Variants in TRRAP observed in about 807,000 individuals in gnomAD.
TRRAP encodes transformation/transcription domain associated protein.
TRRAP carries 41 observed loss-of-function variants against 438.8 expected under a neutral mutation model. The observed-to-expected ratio is 0.09, with a 90% confidence interval of 0.07 to 0.12. The LOEUF (loss-of-function observed/expected upper bound fraction) is 0.12. TRRAP is among the 10% of genes least tolerant of loss of function. The pLI, the probability that TRRAP is intolerant of heterozygous loss-of-function variation, is 1.00. For missense variants in TRRAP, 3,122 were observed against 5,055.1 expected, an observed-to-expected ratio of 0.62 and a Z score of 11.60; for synonymous variants, 1,994 against 1,962.9, an observed-to-expected ratio of 1.02 and a Z score of -0.42.
chr7:98,910,979 C>T, intron 16 of TRRAP, 98 bp from the exon 17 acceptor site: 1 of 992,476 alleles, frequency 1.0e-6, no homozygotes, highest in South Asian at 2.3e-5. Context: ...AATTTAAGTG[C>T]TCTATTTTAA....
chr7:98,915,955 G>C, intron 19 of TRRAP, 67 bp downstream of exon 19: 1 of 1,585,896 alleles, frequency 6.3e-7, no homozygotes, highest in Non-Finnish European at 8.6e-7. Context: ...TAGCCATCCT[G>C]ATTGCTGGGT....
At chr7:98,886,492 A>G (rs1392421214) in intron 3 of TRRAP, among the ~76,000 whole-genome samples, 1 of 152,188 alleles carries the variant, frequency 6.6e-6, no homozygotes, top group Non-Finnish European at 1.5e-5. Context: ...ATAGATATCT[A>G]GAGAGATATG....
At position 98,948,445 on chromosome 7, in the gene TRRAP, G is replaced by A. The variant is rs183830253; in HGVS notation, c.4668+105G>A. 734 of 1,608,894 alleles carry A rather than the reference G, an allele frequency of 4.6e-4. 1 individual carries two copies. The highest frequency in any genetic ancestry group is 2.1e-3 in the Middle Eastern group (11 of 5,292). On this transcript the variant is annotated intron_variant, in intron 34 of 72. Coordinates refer to ENST00000456197, the MANE Select transcript of TRRAP (RefSeq NM_001375524.1). This position sits in a 1 kb window ranked among gnomAD's most constrained non-coding sequence, Gnocchi z 4.9. ...TGGACGGAACAGCATAAAGACGTTC[G>A]ATGTCAACATTTGCTTGTGGGTGTT...
intron 23 of TRRAP, among the ~76,000 whole-genome samples, chr7:98,928,935 G>A (rs1310416369): frequency 1.3e-5 from 2 of 148,692 alleles, no homozygotes; most frequent in African/African-American, 5.0e-5. Flanking sequence ...CACCACGCCC[G>A]GCTAATTTTT....
chr7:98,948,417 CA>C lies in TRRAP; in HGVS notation c.4668+79del. On this transcript the variant is annotated intron_variant, in intron 34 of 72. Transcript: ENST00000456197. The surrounding 1 kb of genome is among the most constrained non-coding windows in gnomAD (Gnocchi z 4.9). Reference sequence around the variant, plus strand: ...TAGCGTCCTCACTTGATCGTATTTTCAATGGACGGAACAGCATAAAGACGTT... The same window carrying C: ...TAGCGTCCTCACTTGATCGTATTTTCATGGACGGAACAGCATAAAGACGTT... 9.3e-6 allele frequency: 15 copies of C among 1,610,440 alleles called. No homozygotes were observed. The highest frequency in any genetic ancestry group is 1.3e-5 in the Non-Finnish European group (15 of 1,177,966).
intron 18 of TRRAP, among the ~76,000 whole-genome samples, chr7:98,913,855 A>G (rs1278269527): frequency 6.6e-6 from 1 of 152,224 alleles, no homozygotes; most frequent in Admixed American, 6.5e-5. Context: ...AGGTGGTAGA[A>G]TAAAAACCTT....
chr7:98,959,454 C>T lies in TRRAP; in HGVS notation c.6453C>T (p.Leu2151=). ...CAGACATGTGGCCCAAGTCCGAACT[C>T]AAGCTGCAGTGGTTCGACAAGCTGC... ...LRPDMWPKSE[L]KLQWFDKLLM... is the part of the protein sequence containing the mutation. Residue 2151 remains leucine (L), a synonymous_variant, in exon 45 of 73, where the codon CTC becomes CTT. Coordinates refer to ENST00000456197, the MANE Select transcript of TRRAP (RefSeq NM_001375524.1). 1 of 1,613,976 alleles carries T rather than the reference C, an allele frequency of 6.2e-7. No individual in the cohort carries two copies.
At chr7:98,983,127 G>A (rs1456255780) in intron 59 of TRRAP, 137 bp from the exon 60 acceptor site, 4 of 777,456 alleles carry the variant, frequency 5.1e-6, no homozygotes, top group African/African-American at 1.8e-5. Context: ...TGTCTGTGGT[G>A]TAAATGAGAG....
chr7:98,957,080 C>G (rs1222756453), intron 43 of TRRAP, among the ~76,000 whole-genome samples: 1 of 152,186 alleles, frequency 6.6e-6, no homozygotes, highest in African/African-American at 2.4e-5. Context: ...GCACCCATGT[C>G]TGCCCTCGGC....
In TRRAP at chr7:98,935,785, G is replaced by C. The variant is rs577371723; in HGVS notation, c.4111+110G>C. ...TGTTGTCTAATTTTTATGACTTTTT[G>C]TAGTCTTTTTAAGATGGGATCAAAA... On this transcript the variant is annotated intron_variant, in intron 28 of 72. Coordinates refer to ENST00000456197, the MANE Select transcript of TRRAP (RefSeq NM_001375524.1). 3.8e-6 allele frequency: 3 copies of C among 786,516 alleles called. No individual in the cohort carries two copies. The South Asian group carries it at 8.9e-5, about 23-fold the overall frequency. 48.7% of individuals were successfully genotyped at this position (786,516 alleles called of 1,614,324 possible).
intron 64 of TRRAP, among the ~76,000 whole-genome samples, chr7:98,991,126 CCAGGGCCCTA>C (rs1793411896): frequency 6.6e-6 from 1 of 152,168 alleles, no homozygotes; most frequent in Non-Finnish European, 1.5e-5. Context: ...AGCGGACAGC[CCAGGGCCCTA>C]TGGAAAGGCT....
Position 99,005,377 on chromosome 7 carries a change from T to A in TRRAP, c.10753+29T>A, listed in dbSNP as rs1284167570. 1 of 1,609,086 alleles carries A rather than the reference T, an allele frequency of 6.2e-7. No individual in the cohort carries two copies. The highest frequency in any genetic ancestry group is 1.1e-5 in the South Asian group (1 of 90,860). ...GGGTTGAGAGCCACAGCTCGCTGGG[T>A]ACACAGGCAGCTTCACAGGTGGGGA... is the stretch of plus-strand genomic sequence containing the variant. On this transcript the variant is annotated intron_variant, in intron 69 of 72. Transcript: ENST00000456197. This position sits in a 1 kb window ranked among gnomAD's most constrained non-coding sequence, Gnocchi z 5.1.
chr7:98,995,183 G>C (rs775443783), intron 67 of TRRAP, among the ~76,000 whole-genome samples: 15 of 152,176 alleles, frequency 9.9e-5, no homozygotes, highest in Non-Finnish European at 2.1e-4. Context: ...GGGGTGGTGG[G>C]AGACATTGTT....
chr7:98,962,053 A>G (rs1791915974), intron 46 of TRRAP, among the ~76,000 whole-genome samples: 2 of 152,230 alleles, frequency 1.3e-5, no homozygotes, highest in Admixed American at 6.5e-5. Flanking sequence ...AACATTTGGC[A>G]GGATCAAATT....
chr7:98,984,065 G>A, intron 60 of TRRAP, 28 bp from the exon 61 acceptor site: 1 of 1,556,086 alleles, frequency 6.4e-7, no homozygotes, highest in South Asian at 1.2e-5. Flanking sequence ...ATCGGTGTGG[G>A]CTAATGATTC....
rs1468406 is a variant in TRRAP, at chr7:98,915,623, G to T, written c.2200-100G>T. 1,480 of 1,420,596 alleles carry T rather than the reference G, an allele frequency of 1.0e-3. 7 individuals are homozygous for T. The African/African-American group carries it at 0.015, about 15-fold the overall frequency. The allele number at this position is 1,420,596 out of a possible 1,614,324, so 88.0% of individuals were successfully genotyped here. A position where few individuals can be genotyped will look rare whatever the true frequency, so the allele number is the denominator to read the frequency against. Reference sequence around the variant, plus strand: ...CCTTTGGAGTAAACACATCAGAATTGCCTTCCATTGCTGTCGGATTACAGT... The same window carrying T: ...CCTTTGGAGTAAACACATCAGAATTTCCTTCCATTGCTGTCGGATTACAGT... On this transcript the variant is annotated intron_variant, in intron 18 of 72. Transcript: ENST00000456197.
chr7:98,981,947 C>T lies in TRRAP; in HGVS notation c.8813C>T (p.Thr2938Met), dbSNP rs1294404368. ...CCCCACGTAGTGTCCCACGTGCACA[C>T]GCCTCTCCTACAGGTGCGTGCGGTG... is the stretch of plus-strand genomic sequence containing the variant. ...RLPHVVSHVH[T>M]PLLQAAQQII... Residue 2938 changes from threonine to methionine, a missense_variant, in exon 59 of 73, where the codon ACG becomes ATG. Thr to Met is a moderately conservative substitution (Grantham distance 81, BLOSUM62 -1). This residue lies in a region of TRRAP where 992 missense variants were observed against 1,281.2 expected (regional missense o/e 0.77). Transcript: ENST00000456197. The T allele has an allele frequency of 5.0e-6, 8 of 1,598,218 alleles. No homozygotes were observed. The African/African-American group carries it at 6.7e-5, about 13-fold the overall frequency.
At chr7:98,936,850 T>C (rs565409740) in intron 28 of TRRAP, among the ~76,000 whole-genome samples, 1 of 152,330 alleles carries the variant, frequency 6.6e-6, no homozygotes, top group East Asian at 1.9e-4. Flanking sequence ...TGGAAGACCA[T>C]GTGTACTTTT....
chr7:98,901,308 G>A (rs191385919), intron 11 of TRRAP, among the ~76,000 whole-genome samples: 11 of 152,306 alleles, frequency 7.2e-5, no homozygotes, highest in African/African-American at 2.4e-4. Flanking sequence ...CACGGCCACC[G>A]TCCTGCCAGA....
Sources: gnomAD v4.1 joint callset for allele counts (sites outside exome capture counted in the v4.1 genomes callset) on GRCh38, gnomAD v4.1.1 for gene constraint, gnomAD v4.1.1 regional missense constraint, Gnocchi (gnomAD v3.1) non-coding constraint, MANE v1.5 for transcripts, NCBI Gene and HGNC (gene_info 2026-07-23, HGNC 2026-07-21) for gene names.